The following ITGAM variants were observed in gnomAD, a reference collection of about 807,000 sequenced individuals.
The protein encoded by ITGAM is integrin alpha-M.
A neutral mutation model predicts 137.5 loss-of-function variants in ITGAM; 79 were observed. The ratio of observed to expected loss-of-function variants is 0.57; its 90% CI spans 0.48 to 0.69. ITGAM has a LOEUF of 0.69. Among genes scored for constraint, ITGAM ranks in the 30% least tolerant of loss-of-function variants. ITGAM has a pLI of 0.00. For missense variants in ITGAM, 1,343 were observed against 1,483.5 expected, an observed-to-expected ratio of 0.91 and a Z score of 1.56; for synonymous variants, 583 against 592.3, an observed-to-expected ratio of 0.98 and a Z score of 0.23.
rs771064573 is a variant in ITGAM at position 31,278,149 on chromosome 16, C to T, written c.1356+40C>T. 28 of 1,569,728 alleles carry T rather than the reference C, an allele frequency of 1.8e-5. No homozygotes were observed. In the Admixed American group the frequency reaches 2.0e-4, roughly 11 times the overall value. On this transcript the variant is annotated intron_variant, in intron 12 of 29. Coordinates refer to ENST00000544665, the MANE Select transcript of ITGAM (RefSeq NM_000632.4). ...TGGAGCATGAATGTGCAAACAGAGG[C>T]GCCCTGGGGTCTTAGAGATTCCAGG...
At chr16:31,320,158 T>C (rs2080434291) in intron 14 of ITGAM, among the ~76,000 whole-genome samples, 1 of 152,224 alleles carries the variant, frequency 6.6e-6, no homozygotes, top group Non-Finnish European at 1.5e-5. Flanking sequence ...GTATTTTCTT[T>C]GTGGTTTCCA....
Position 31,272,004 on chromosome 16 carries a change from C to T in ITGAM, c.704+12C>T, listed in dbSNP as rs745355817. 1.4e-5 allele frequency: 23 copies of T among 1,613,884 alleles called. 1 individual carries two copies. The East Asian group carries it at 4.9e-4, about 34-fold the overall frequency. ...ATCCGCAAAGTGGTGTAAGCTTCCC[C>T]TTTTCCCTTAGGATGGAGGGAGGAG... On this transcript the variant is annotated intron_variant, in intron 7 of 29. Coordinates refer to ENST00000544665, the MANE Select transcript of ITGAM (RefSeq NM_000632.4).
At chr16:31,271,212 C>A (rs1596977233) in intron 6 of ITGAM, 128 bp downstream of exon 6, 1 of 734,394 alleles carries the variant, frequency 1.4e-6, no homozygotes, top group Non-Finnish European at 2.0e-6. Context: ...TTATGGTTTG[C>A]CTTCCTGAGT....
intron 25 of ITGAM, 64 bp downstream of exon 25, chr16:31,329,969 A>G (rs747970663): frequency 1.0e-4 from 159 of 1,528,730 alleles, no homozygotes; most frequent in Middle Eastern, 1.7e-4. Flanking sequence ...TGTTAATGCT[A>G]TTGGGTTTTA....
At chr16:31,315,429 C>T (rs1293159798) in intron 14 of ITGAM, among the ~76,000 whole-genome samples, 2 of 149,768 alleles carry the variant, frequency 1.3e-5, no homozygotes, top group African/African-American at 5.1e-5. Flanking sequence ...ACATTTAAGC[C>T]TTTAACTCAC....
intron 28 of ITGAM, among the ~76,000 whole-genome samples, chr16:31,330,922 CAG>C (rs2080573519): frequency 7.0e-6 from 1 of 142,786 alleles, no homozygotes; most frequent in African/African-American, 2.7e-5. Flanking sequence ...GCGACAGAGA[CAG>C]AGACAGTGAG....
chr16:31,302,428 C>CTTCTTTATTTCTTTCT (rs2080209748), intron 14 of ITGAM, among the ~76,000 whole-genome samples: 1 of 103,126 alleles, frequency 9.7e-6, no homozygotes, highest in East Asian at 2.1e-4. Context: ...TTCTTTCTTT[C>CTTCTTTATTTCTTTCT]TTCTTTCTTT....
At position 31,271,043 on chromosome 16, in the gene ITGAM, G is replaced by C. The variant is rs1292700554; in HGVS notation, c.517G>C (p.Val173Leu). The C allele has an allele frequency of 6.3e-7, 1 of 1,582,448 alleles. No individual in the cohort carries two copies. The highest frequency in any genetic ancestry group is 8.6e-7 in the Non-Finnish European group (1 of 1,161,034). Residue 173 changes from valine to leucine, a missense_variant, in exon 6 of 30, where the codon GTC (valine) becomes CTC (leucine). Coordinates refer to ENST00000544665, the MANE Select transcript of ITGAM (RefSeq NM_000632.4). ...PHDFRRMKEF[V>L]STVMEQLKKS... ...TGACTTTCGGCGGATGAAGGAGTTT[G>C]TCTCAACTGTGATGGAGCAATTAAA...
chr16:31,276,413 C>A (rs989524562), intron 9 of ITGAM, among the ~76,000 whole-genome samples: 1 of 152,042 alleles, frequency 6.6e-6, no homozygotes, highest in Non-Finnish European at 1.5e-5. Context: ...CTCACTGCAA[C>A]CTCTGCCTCC....
intron 7 of ITGAM, 26 bp from the exon 8 acceptor site, chr16:31,273,339 C>T (rs1161466545): frequency 1.3e-6 from 2 of 1,583,692 alleles, no homozygotes; most frequent in Non-Finnish European, 1.7e-6. Flanking sequence ...TTGCATTTGA[C>T]TTTGTCCCTC....
In ITGAM at chr16:31,325,245, GTCT is replaced by G. The variant is rs763026551; in HGVS notation, c.2364-9_2364-7del. The G allele has an allele frequency of 2.7e-5, 43 of 1,604,612 alleles. No homozygotes were observed. Among genetic ancestry groups the G allele is most frequent in the East Asian group, 6.7e-5 (3 of 44,868 alleles). On this transcript the variant is annotated splice_polypyrimidine_tract_variant and intron_variant, in intron 19 of 29. Transcript: ENST00000544665. The stretch of plus-strand genomic sequence containing the variant: ...AGCCCAGCGCCCCATCCCCCGGCCT[GTCT>G]TCTTCTTCCCACAGCCTGGACTGCC...
chr16:31,270,744 T>TA (rs1567248965), intron 5 of ITGAM, among the ~76,000 whole-genome samples: 27 of 106,100 alleles, frequency 2.5e-4, no homozygotes, highest in African/African-American at 6.4e-4. Context: ...TATATATATA[T>TA]GTTTTTAACG....
At chr16:31,291,511 G>A (rs2080086755) in intron 12 of ITGAM, among the ~76,000 whole-genome samples, 1 of 152,006 alleles carries the variant, frequency 6.6e-6, no homozygotes, top group Non-Finnish European at 1.5e-5. Flanking sequence ...ATCATTGTTT[G>A]TCTTTTCGAT....
Position 31,297,522 on chromosome 16 carries a change from C to G in ITGAM, c.1365C>G (p.Ala455=). The G allele has an allele frequency of 6.2e-7, 1 of 1,612,062 alleles. No homozygotes were observed. Among genetic ancestry groups the G allele is most frequent in the South Asian group, 1.1e-5 (1 of 90,990 alleles). ...NANVKGTQIG[A]YFGASLCSVD... ...GGTCCTGTCTCTTTCAGATCGGCGC[C>G]TACTTCGGGGCCTCCCTCTGCTCCG... Residue 455 remains alanine (A), a synonymous_variant, in exon 13 of 30, where the codon GCC becomes GCG. Transcript: ENST00000544665.
Position 31,270,957 on chromosome 16 carries a change from GTCC to G in ITGAM, c.434_436del (p.Pro145del). The G allele has an allele frequency of 6.6e-7, 1 of 1,518,418 alleles. No homozygotes were observed. The highest frequency in any genetic ancestry group is 8.9e-7 in the Non-Finnish European group (1 of 1,125,080). The allele number at this position is 1,518,418 out of a possible 1,614,324, so 94.1% of individuals were successfully genotyped here. On this transcript the variant is annotated inframe_deletion, in exon 6 of 30. Transcript: ENST00000544665. ...ATACTCTTTTCCCCTTCCCCAGGGT[GTCC>G]TCAAGAGGATAGTGACATTGCCTTC...
intron 12 of ITGAM, among the ~76,000 whole-genome samples, chr16:31,282,847 T>C (rs183221877): frequency 1.3e-5 from 2 of 152,334 alleles, no homozygotes; most frequent in African/African-American, 4.8e-5. Context: ...GTTTTTGCAG[T>C]GGCTGGCACT....
At chr16:31,277,261 C>T (rs982664681) in intron 11 of ITGAM, among the ~76,000 whole-genome samples, 5 of 151,720 alleles carry the variant, frequency 3.3e-5, no homozygotes, top group African/African-American at 7.3e-5. Context: ...CAATGGCACT[C>T]GGCTCACTAC....
chr16:31,330,268 C>T (rs747240593), intron 26 of ITGAM, 40 bp from the exon 27 acceptor site: 18 of 1,592,642 alleles, frequency 1.1e-5, no homozygotes, highest in South Asian at 8.8e-5. Context: ...TCTCTGCCTT[C>T]GGCTTCCTTA....
Position 31,297,892 on chromosome 16 carries a change from C to T in ITGAM, c.1645C>T (p.Arg549Trp), listed in dbSNP as rs1342628053. The change falls in exon 14 of 30, where the codon CGG (arginine) becomes TGG (tryptophan). Residue 549 changes from arginine to tryptophan, a missense_variant. Arg to Trp is a moderately radical substitution (Grantham distance 101). Coordinates refer to ENST00000544665, the MANE Select transcript of ITGAM (RefSeq NM_000632.4). ...TGGGGCCCCAGGAGAGGAGGACAAC[C>T]GGGGTGCTGTTTACCTGTTTCACGG... ...AIGAPGEEDN[R>W]GAVYLFHGTS... The T allele has an allele frequency of 6.8e-6, 11 of 1,613,720 alleles. No homozygotes were observed. The highest frequency in any genetic ancestry group is 1.7e-5 in the Admixed American group (1 of 59,910).
Sources: gnomAD v4.1 joint callset for allele counts (sites outside exome capture counted in the v4.1 genomes callset) on GRCh38, gnomAD v4.1.1 for gene constraint, MANE v1.5 for transcripts, NCBI Gene and HGNC (gene_info 2026-07-23, HGNC 2026-07-21) for gene names.